Variants in MAOA observed in about 807,000 individuals in gnomAD.
MAOA encodes amine oxidase [flavin-containing] A.
MAOA carries 6 observed loss-of-function variants against 42.0 expected under a neutral mutation model. The observed-to-expected ratio is 0.14, with a 90% CI of 0.08 to 0.28. The LOEUF (loss-of-function observed/expected upper bound fraction) is 0.28, where lower values mean the gene tolerates loss of function less well. Ranked by LOEUF, MAOA falls within the 10% of genes least tolerant of loss-of-function variation. The probability of loss-of-function intolerance (pLI) is 1.00; values close to 1 mark genes in which losing one functional copy is unlikely to be tolerated. For synonymous variants in MAOA, 140 were observed against 154.0 expected, an observed-to-expected ratio of 0.91 and a Z score of 0.67; for missense variants, 262 against 422.3, an observed-to-expected ratio of 0.62 and a Z score of 3.33.
intron 2 of MAOA, among the ~76,000 whole-genome samples, chrX:43,685,293 C>T (rs927489096): frequency 2.7e-5 from 3 of 111,864 alleles, no homozygotes; most frequent in Non-Finnish European, 3.8e-5. Context: ...AAGGGTGGCA[C>T]TAGCCTTGTC....
At chrX:43,655,100 C>CACCGGCACCAGTACCCGCACCAGT (rs2033164516), upstream of MAOA, 1 of 65,061 alleles carries the variant, frequency 1.5e-5, no homozygotes, top group African/African-American at 5.2e-5. Flanking sequence ...TCCCCGGCGG[C>CACCGGCACCAGTACCCGCACCAGT]ACCGGCACCG....
intron 1 of MAOA, among the ~76,000 whole-genome samples, chrX:43,670,814 G>T (rs2033325120): frequency 9.2e-6 from 1 of 109,279 alleles, no homozygotes; most frequent in African/African-American, 3.4e-5. Context: ...GTGTATATGT[G>T]CCACATTTTC....
chrX:43,672,900 C>CT (rs2033351001), intron 1 of MAOA, among the ~76,000 whole-genome samples: 1 of 111,475 alleles, frequency 9.0e-6, no homozygotes, highest in African/African-American at 3.3e-5. Flanking sequence ...CTAAAATTCT[C>CT]TTTTTTGGTT....
At chrX:43,724,706 C>T (rs1333790352) in intron 5 of MAOA, among the ~76,000 whole-genome samples, 1 of 110,854 alleles carries the variant, frequency 9.0e-6, no homozygotes, top group Non-Finnish European at 1.9e-5. Context: ...TATTTCTTGT[C>T]TTCTGCTAGC....
rs764538239 is a variant in MAOA at position 43,693,304 on chromosome X, A to T, written c.182A>T (p.Asp61Val). 5.8e-6 allele frequency: 7 copies of T among 1,210,891 alleles called. No individual in the cohort carries two copies. The South Asian group carries it at 1.2e-4, about 21-fold the overall frequency. ...RTYTIRNEHV[D>V]YVDVGGAYVG... ...CTCTTTTTGCAGAATGAGCATGTTG[A>T]TTACGTAGATGTTGGTGGAGCTTAT... Residue 61 changes from aspartate (D) to valine (V), a missense_variant, in exon 3 of 15, where the codon GAT becomes GTT. By Grantham distance (152) the Asp-to-Val change is radical. This residue lies in a region of MAOA where 141 missense variants were observed against 195.6 expected (regional missense o/e 0.72). Transcript: ENST00000338702.
chrX:43,663,613 T>C (rs1240314518), intron 1 of MAOA, among the ~76,000 whole-genome samples: 1 of 111,685 alleles, frequency 9.0e-6, no homozygotes, highest in Non-Finnish European at 1.9e-5. Flanking sequence ...CTCACCTCAC[T>C]GGACCTGCTT....
intron 5 of MAOA, among the ~76,000 whole-genome samples, chrX:43,714,719 G>T (rs1048201998): frequency 1.0e-5 from 1 of 96,686 alleles, no homozygotes; most frequent in African/African-American, 3.7e-5. Flanking sequence ...TGGGGGTATG[G>T]TATCTTCTAG....
intron 1 of MAOA, among the ~76,000 whole-genome samples, chrX:43,677,440 A>G (rs751367212): frequency 6.8e-4 from 76 of 111,365 alleles, no homozygotes; most frequent in African/African-American, 2.4e-3. Context: ...CTCTTGATCT[A>G]ATAACCAGGA....
intron 1 of MAOA, among the ~76,000 whole-genome samples, chrX:43,659,594 A>T (rs1011678064): frequency 1.3e-3 from 143 of 110,704 alleles, no homozygotes; most frequent in African/African-American, 4.7e-3. Flanking sequence ...GCTGTCCCTT[A>T]TCTATAGAAA....
intron 5 of MAOA, among the ~76,000 whole-genome samples, chrX:43,720,142 G>A (rs1164880176): frequency 9.1e-6 from 1 of 110,265 alleles, no homozygotes; most frequent in Non-Finnish European, 1.9e-5. Flanking sequence ...GTTGGATGGT[G>A]TGGCAATATG....
At chrX:43,741,198 C>T (rs2033958228) in intron 11 of MAOA, among the ~76,000 whole-genome samples, 1 of 111,192 alleles carries the variant, frequency 9.0e-6, no homozygotes, top group African/African-American at 3.3e-5. Context: ...TTTGTTTTTC[C>T]ATGTGTGAAC....
chrX:43,662,299 T>C (rs754821860), intron 1 of MAOA, among the ~76,000 whole-genome samples: 1 of 111,882 alleles, frequency 8.9e-6, no homozygotes, highest in East Asian at 2.8e-4. Flanking sequence ...CTAGGGTGTT[T>C]TTACTTCATA....
At chrX:43,725,432 T>C (rs1188298313) in intron 5 of MAOA, among the ~76,000 whole-genome samples, 3 of 111,966 alleles carry the variant, frequency 2.7e-5, no homozygotes, top group Non-Finnish European at 5.6e-5. Context: ...ATGCCCTTCT[T>C]TGTCTCTTTT....
intron 1 of MAOA, among the ~76,000 whole-genome samples, chrX:43,675,525 T>C (rs960225171): frequency 8.9e-6 from 1 of 112,447 alleles, no homozygotes; most frequent in Non-Finnish European, 1.9e-5. Flanking sequence ...CTCTGCTTTT[T>C]AGAGTTTCCA....
chrX:43,731,200 G>A, intron 6 of MAOA, 41 bp from the exon 7 acceptor site: 1 of 1,192,203 alleles, frequency 8.4e-7, no homozygotes, highest in Non-Finnish European at 1.1e-6. Flanking sequence ...CCTTCCTTGG[G>A]CTTTCATAAT....
chrX:43,713,885 T>C (rs1450890225), intron 5 of MAOA, among the ~76,000 whole-genome samples: 2 of 111,186 alleles, frequency 1.8e-5, no homozygotes, highest in Non-Finnish European at 1.9e-5. Flanking sequence ...AGGGCGATGG[T>C]ATCTTCCAGG....
At chrX:43,716,565 G>C (rs2033745434) in intron 5 of MAOA, among the ~76,000 whole-genome samples, 1 of 110,816 alleles carries the variant, frequency 9.0e-6, no homozygotes, top group Non-Finnish European at 1.9e-5. Flanking sequence ...CAGAGTGGTA[G>C]AGGGGAGATA....
chrX:43,677,231 A>G (rs2033405667), intron 1 of MAOA, among the ~76,000 whole-genome samples: 1 of 111,759 alleles, frequency 8.9e-6, no homozygotes, highest in South Asian at 3.8e-4. Flanking sequence ...GCACAAATTA[A>G]CTCCCAAGGT....
chrX:43,723,378 G>T (rs577968257), intron 5 of MAOA, among the ~76,000 whole-genome samples: 1 of 111,396 alleles, frequency 9.0e-6, no homozygotes, highest in African/African-American at 3.3e-5. Context: ...GAAGTGGTTT[G>T]TAGTTCTCCT....
Sources: allele counts gnomAD v4.1 joint callset (sites outside exome capture counted in the v4.1 genomes callset), GRCh38; gene constraint gnomAD v4.1.1; regional missense constraint gnomAD v4.1.1; transcripts MANE v1.5; gene names NCBI Gene and HGNC (gene_info 2026-07-23, HGNC 2026-07-21).